The following PDE1A variants were observed in gnomAD, a reference collection of about 807,000 sequenced individuals.
The protein encoded by PDE1A is dual specificity calcium/calmodulin-dependent 3',5'-cyclic nucleotide phosphodiesterase 1A.
In PDE1A, 35 loss-of-function variants were observed where a neutral mutation model predicts 61.7. The ratio of observed to expected loss-of-function variants is 0.57; its 90% CI spans 0.43 to 0.75. The LOEUF (loss-of-function observed/expected upper bound fraction) is 0.75, where lower values mean the gene tolerates loss of function less well. Ranked by LOEUF, PDE1A falls within the 30% of genes least tolerant of loss-of-function variation. The probability of loss-of-function intolerance (pLI) is 0.00; values close to 1 mark genes in which losing one functional copy is unlikely to be tolerated. For synonymous variants in PDE1A, 232 were observed against 213.2 expected (o/e 1.09, Z -0.77); for missense variants, 597 against 630.6 (o/e 0.95, Z 0.57).
intron 2 of PDE1A, among the ~76,000 whole-genome samples, chr2:182,260,369 A>T (rs984556182): frequency 6.6e-6 from 1 of 152,186 alleles, no homozygotes; most frequent in Non-Finnish European, 1.5e-5. Flanking sequence ...CTCCTTTTAC[A>T]TAATCTCTGT....
chr2:182,342,310 G>C (rs1000143185), intron 1 of PDE1A, among the ~76,000 whole-genome samples: 2 of 152,000 alleles, frequency 1.3e-5, no homozygotes, highest in East Asian at 1.9e-4. Flanking sequence ...TATATTTGTA[G>C]GTTTGTTACA....
At chr2:182,485,981 T>C (rs1027932726) in intron 2 of PDE1A, among the ~76,000 whole-genome samples, 1 of 151,858 alleles carries the variant, frequency 6.6e-6, no homozygotes, top group Non-Finnish European at 1.5e-5. Flanking sequence ...ATCAGAGCAA[T>C]TACAGGCATA....
chr2:182,178,384 C>T (rs1003213718), intron 13 of PDE1A, among the ~76,000 whole-genome samples: 2 of 152,064 alleles, frequency 1.3e-5, no homozygotes, highest in African/African-American at 4.8e-5. Context: ...AAGCTTAACT[C>T]CTTACCCTTC....
intron 13 of PDE1A, among the ~76,000 whole-genome samples, chr2:182,180,386 T>C (rs1244013227): frequency 2.0e-5 from 3 of 152,180 alleles, no homozygotes; most frequent in Admixed American, 6.6e-5. Flanking sequence ...TTTAAGAATG[T>C]TGAATATTGA....
At chr2:182,634,287 A>C in the PDE1A span, among the ~76,000 whole-genome samples, 1 of 152,178 alleles carries the variant, frequency 6.6e-6, no homozygotes, top group South Asian at 2.1e-4. Flanking sequence ...AACATCTCCA[A>C]GTATGGGGAC....
chr2:182,527,214 C>A (rs1408163505), upstream of PDE1A, among the ~76,000 whole-genome samples: 1 of 144,936 alleles, frequency 6.9e-6, no homozygotes. Context: ...TGCCCATAAA[C>A]CCAGCACTTT....
At chr2:182,668,318 C>T in the PDE1A span, among the ~76,000 whole-genome samples, 1 of 152,060 alleles carries the variant, frequency 6.6e-6, no homozygotes, top group Non-Finnish European at 1.5e-5. Context: ...ACAACAGTGA[C>T]AAATGGTAGG....
the PDE1A span, among the ~76,000 whole-genome samples, chr2:182,545,589 A>G: frequency 6.6e-5 from 10 of 152,312 alleles, no homozygotes; most frequent in East Asian, 1.9e-3. Flanking sequence ...CTAAGTAGCT[A>G]GAAAGTTCCG....
chr2:182,528,718 C>T, the PDE1A span, among the ~76,000 whole-genome samples: 5 of 152,186 alleles, frequency 3.3e-5, no homozygotes, highest in Non-Finnish European at 7.3e-5. Context: ...GCCCAAGGCT[C>T]CCGTGCTGTG....
chr2:182,389,896 C>T (rs375585412), intron 1 of PDE1A, among the ~76,000 whole-genome samples: 1 of 152,120 alleles, frequency 6.6e-6, no homozygotes, highest in Admixed American at 6.5e-5. Context: ...TGCTTCCTGC[C>T]CTTGAATATC....
At chr2:182,422,914 T>C (rs1205823483) in intron 1 of PDE1A, among the ~76,000 whole-genome samples, 1 of 152,222 alleles carries the variant, frequency 6.6e-6, no homozygotes, top group Non-Finnish European at 1.5e-5. Flanking sequence ...TATATTAATA[T>C]AGTTTTGTGA....
intron 2 of PDE1A, among the ~76,000 whole-genome samples, chr2:182,503,050 CACACACACACACACACACACACAT>C (rs1689184068): frequency 7.5e-5 from 5 of 66,486 alleles, no homozygotes; most frequent in Non-Finnish European, 1.2e-4. Context: ...TACACACACA[CACACACACACACACACACACACAT>C]ACACACACAC....
At chr2:182,225,024 G>T (rs575775728) in intron 6 of PDE1A, among the ~76,000 whole-genome samples, 43 of 151,908 alleles carry the variant, frequency 2.8e-4, no homozygotes, top group Non-Finnish European at 5.3e-4. Context: ...AAGAGATCAT[G>T]TAAACTATGT....
intron 1 of PDE1A, among the ~76,000 whole-genome samples, chr2:182,345,736 C>T (rs1159242522): frequency 6.6e-6 from 1 of 152,090 alleles, no homozygotes; most frequent in Non-Finnish European, 1.5e-5. Flanking sequence ...GTTCCCTCAT[C>T]CACTTCAAGT....
chr2:182,291,039 C>T (rs993091454), intron 1 of PDE1A, among the ~76,000 whole-genome samples: 2 of 152,094 alleles, frequency 1.3e-5, no homozygotes, highest in Non-Finnish European at 2.9e-5. Flanking sequence ...GCCACTGATT[C>T]TCCATCATAG....
the PDE1A span, among the ~76,000 whole-genome samples, chr2:182,626,814 CAT>C: frequency 4.7e-3 from 84 of 17,870 alleles, 5 homozygotes; most frequent in East Asian, 0.033. Flanking sequence ...TATATATATA[CAT>C]ATATATATAC....
chr2:182,354,387 T>C (rs1405260499), intron 1 of PDE1A, among the ~76,000 whole-genome samples: 1 of 152,174 alleles, frequency 6.6e-6, no homozygotes, highest in African/African-American at 2.4e-5. Flanking sequence ...TAGTTTCCCC[T>C]TAAATTAGGA....
chr2:182,301,302 C>T (rs1019699090), intron 1 of PDE1A, among the ~76,000 whole-genome samples: 2 of 152,170 alleles, frequency 1.3e-5, no homozygotes, highest in Non-Finnish European at 2.9e-5. Flanking sequence ...GGCACTGTTA[C>T]TCTGTGAGAT....
intron 2 of PDE1A, among the ~76,000 whole-genome samples, chr2:182,440,152 A>G (rs1288664489): frequency 6.6e-6 from 1 of 152,094 alleles, no homozygotes; most frequent in Non-Finnish European, 1.5e-5. Context: ...CCAGAATCCC[A>G]GTGCTCTCAT....
Sources: allele counts gnomAD v4.1 joint callset (sites outside exome capture counted in the v4.1 genomes callset), GRCh38; gene constraint gnomAD v4.1.1; transcripts MANE v1.5; gene names NCBI Gene and HGNC (gene_info 2026-07-23, HGNC 2026-07-21).